Variants in ZC3HC1 observed in about 807,000 individuals in gnomAD.
ZC3HC1 encodes the protein zinc finger C3HC-type containing 1.
ZC3HC1 carries 38 observed loss-of-function variants against 61.9 expected under a neutral mutation model. The ratio of observed to expected loss-of-function variants is 0.61; its 90% CI spans 0.47 to 0.81. The LOEUF (loss-of-function observed/expected upper bound fraction) is 0.81. Ranked by LOEUF, ZC3HC1 falls within the 30% of genes least tolerant of loss-of-function variation. The pLI is 0.00. For missense variants in ZC3HC1, 554 were observed against 622.7 expected (o/e 0.89, Z 1.17); for synonymous variants, 213 against 229.9 (o/e 0.93, Z 0.67).
chr7:130,025,383 A>C (rs1793853253), intron 6 of ZC3HC1, among the ~76,000 whole-genome samples: 1 of 151,590 alleles, frequency 6.6e-6, no homozygotes, highest in Admixed American at 6.6e-5. Context: ...CAAATTGAGC[A>C]GCTGGAATGG....
chr7:130,036,740 A>T (rs1436132605), intron 4 of ZC3HC1: 1 of 152,158 alleles, frequency 6.6e-6, no homozygotes, highest in Admixed American at 6.6e-5. Flanking sequence ...TTTGAATGTT[A>T]AAGAACCAAA....
At position 130,024,268 on chromosome 7, in the gene ZC3HC1, C is replaced by G; in HGVS notation, c.1015G>C (p.Glu339Gln). The part of the protein sequence containing the change: ...SQDATFSPGS[E>Q]QAEKSPGPIV... Reference sequence around the variant, plus strand: ...CAAATAAGCTAAGTGAATACCTGCTCTGAGCCTGGGGAGAAAGTGGCATCC... The same window carrying G: ...CAAATAAGCTAAGTGAATACCTGCTGTGAGCCTGGGGAGAAAGTGGCATCC... The change falls in exon 7 of 10, where the codon GAG becomes CAG. Residue 339 changes from glutamate (E) to glutamine (Q), a missense_variant. Glu to Gln is a conservative substitution (Grantham distance 29). Coordinates refer to ENST00000358303, the MANE Select transcript of ZC3HC1 (RefSeq NM_016478.5). 6.2e-6 allele frequency: 10 copies of G among 1,607,672 alleles called. No individual in the cohort carries two copies. The highest frequency in any genetic ancestry group is 1.7e-5 in the Admixed American group (1 of 59,078).
Position 130,040,182 on chromosome 7 carries a change from TAAAAAAAAAAAAAAAAAAAA to T in ZC3HC1, c.410-655_410-636del, listed in dbSNP as rs34814353. On this transcript the variant is annotated intron_variant, in intron 3 of 9. Coordinates refer to ENST00000358303, the MANE Select transcript of ZC3HC1 (RefSeq NM_016478.5). ...CCATGCTGCAGTAGCTAGCTTAGTT[TAAAAAAAAAAAAAAAAAAAA>T]AAAAAAAAAAGGCCGGGCACGGTGG... Among the ~76,000 whole-genome samples the T allele has an allele frequency of 5.4e-4, 19 of 35,358 alleles. No individual in the cohort carries two copies. The East Asian group carries it at 0.022, about 42-fold the overall frequency. 23.2% of individuals were successfully genotyped at this position (35,358 alleles called of 152,430 possible). A position where few individuals can be genotyped will look rare whatever the true frequency, so the allele number is the denominator to read the frequency against.
Position 130,039,561 on chromosome 7 carries a change from A to G in ZC3HC1, c.410-14T>C. 6.2e-7 allele frequency: 1 copy of G among 1,602,582 alleles called. No homozygotes were observed. The highest frequency in any genetic ancestry group is 1.1e-5 in the South Asian group (1 of 88,586). On this transcript the variant is annotated splice_polypyrimidine_tract_variant and intron_variant, in intron 3 of 9. Transcript: ENST00000358303. ...ATCGTTGCTTATCTGAAATCCACAT[A>G]AACAGCAACACCTTAAAAAACACTA...
At chr7:130,020,799 G>C (rs1278451755) in intron 9 of ZC3HC1, among the ~76,000 whole-genome samples, 2 of 152,162 alleles carry the variant, frequency 1.3e-5, no homozygotes, top group Non-Finnish European at 2.9e-5. Context: ...AACTGCCAAT[G>C]TACTAGTTCC....
intron 3 of ZC3HC1, 66 bp from the exon 4 acceptor site, chr7:130,039,613 C>T (rs1412410514): frequency 3.5e-6 from 4 of 1,141,850 alleles, no homozygotes; most frequent in South Asian, 3.0e-5. Context: ...AATGAATGGC[C>T]TCTAAGAGCA....
chr7:130,040,419 A>C (rs1488381732), intron 3 of ZC3HC1, among the ~76,000 whole-genome samples: 1 of 139,574 alleles, frequency 7.2e-6, no homozygotes, highest in Non-Finnish European at 1.5e-5. Context: ...GTGTGAACCC[A>C]GGAGGCGGAG....
chr7:130,030,674 C>CTTT (rs1272691508), intron 4 of ZC3HC1, among the ~76,000 whole-genome samples: 1 of 141,008 alleles, frequency 7.1e-6, no homozygotes, highest in Non-Finnish European at 1.6e-5. Context: ...CACTCATAAT[C>CTTT]TTTTTTTTTT....
chr7:130,039,336 C>T lies in ZC3HC1; in HGVS notation c.493+128G>A, dbSNP rs746176601. ...TCCAGCCTGGGCAACAAGAGTGAAACTCCATCTCAAAAAAAAAAAAGAAAA... is the reference window on the plus strand; with the variant it reads ...TCCAGCCTGGGCAACAAGAGTGAAATTCCATCTCAAAAAAAAAAAAGAAAA... On this transcript the variant is annotated intron_variant, in intron 4 of 9. Coordinates refer to ENST00000358303, the MANE Select transcript of ZC3HC1 (RefSeq NM_016478.5). The T allele has an allele frequency of 1.1e-4, 87 of 799,182 alleles. 1 individual carries two copies. The South Asian group carries it at 1.2e-3, about 11-fold the overall frequency. The allele number at this position is 799,182 out of a possible 1,614,324, so 49.5% of individuals were successfully genotyped here.
chr7:130,040,834 A>G, intron 3 of ZC3HC1, 117 bp downstream of exon 3: 1 of 1,147,558 alleles, frequency 8.7e-7, no homozygotes, highest in Non-Finnish European at 1.2e-6. Context: ...GATTAAAAAA[A>G]AAGATTGAAG....
chr7:130,023,824 G>C lies in ZC3HC1; in HGVS notation c.1021-101C>G. ...CTTTTTTCTTTTTTTTTTTGAGACA[G>C]AGTCTCGCTTTGTTGCCAAGGCTGG... On this transcript the variant is annotated intron_variant, in intron 7 of 9. Transcript: ENST00000358303. The surrounding 1 kb of genome is among the most constrained non-coding windows in gnomAD (Gnocchi z 4.2). The C allele has an allele frequency of 9.1e-7, 1 of 1,094,818 alleles. No homozygotes were observed. The highest frequency in any genetic ancestry group is 1.3e-6 in the Non-Finnish European group (1 of 784,426). 67.8% of individuals were successfully genotyped at this position (1,094,818 alleles called of 1,614,324 possible). A position where few individuals can be genotyped will look rare whatever the true frequency, so the allele number is the denominator to read the frequency against.
chr7:130,028,780 T>C (rs1420193162), intron 5 of ZC3HC1, 122 bp downstream of exon 5: 1 of 1,334,106 alleles, frequency 7.5e-7, no homozygotes, highest in African/African-American at 1.5e-5. Context: ...AAAGGTCAGA[T>C]GAGAGACAGA....
chr7:130,050,635 G>T, intron 1 of ZC3HC1: 2 of 707,906 alleles, frequency 2.8e-6, no homozygotes, highest in Non-Finnish European at 4.4e-6. Context: ...CTGCTAATTT[G>T]TCACCAATGG....
At chr7:130,044,721 T>C (rs966782040) in intron 2 of ZC3HC1, among the ~76,000 whole-genome samples, 2 of 152,120 alleles carry the variant, frequency 1.3e-5, no homozygotes, top group African/African-American at 4.8e-5. Context: ...TATTTTACAA[T>C]AGAAATGCCA....
At chr7:130,042,608 T>C (rs1457191664) in intron 2 of ZC3HC1, among the ~76,000 whole-genome samples, 1 of 152,248 alleles carries the variant, frequency 6.6e-6, no homozygotes, top group Non-Finnish European at 1.5e-5. Flanking sequence ...GCTAAAAGCA[T>C]CTGTAAGTAT....
At chr7:130,019,822 T>TG (rs1793555799) in intron 9 of ZC3HC1, among the ~76,000 whole-genome samples, 1 of 143,326 alleles carries the variant, frequency 7.0e-6, no homozygotes, top group African/African-American at 2.6e-5. Flanking sequence ...TTTTTTTTTT[T>TG]TTTTTTTTTT....
chr7:130,050,235 G>A (rs762253173), intron 1 of ZC3HC1, among the ~76,000 whole-genome samples: 19 of 152,148 alleles, frequency 1.2e-4, no homozygotes, highest in South Asian at 1.2e-3. Flanking sequence ...GGGCCACCAC[G>A]CCCGGCTAAT....
At chr7:130,020,885 G>A (rs925300607) in intron 9 of ZC3HC1, among the ~76,000 whole-genome samples, 6 of 151,910 alleles carry the variant, frequency 3.9e-5, no homozygotes, top group Non-Finnish European at 8.8e-5. Context: ...TATTTACTAA[G>A]GGTACTAATA....
intron 1 of ZC3HC1, among the ~76,000 whole-genome samples, chr7:130,050,908 G>T (rs1795049165): frequency 6.6e-6 from 1 of 152,046 alleles, no homozygotes; most frequent in African/African-American, 2.4e-5. Flanking sequence ...GAGCCAAAGG[G>T]GTCCACGGCA....
Sources: gnomAD v4.1 joint callset for allele counts (sites outside exome capture counted in the v4.1 genomes callset) on GRCh38, gnomAD v4.1.1 for gene constraint, Gnocchi (gnomAD v3.1) non-coding constraint, MANE v1.5 for transcripts, NCBI Gene and HGNC (gene_info 2026-07-23, HGNC 2026-07-21) for gene names.